CADM1: variants seen among roughly 807,000 people sequenced by gnomAD.
CADM1 encodes TSLC-1.
In CADM1, 15 loss-of-function variants were observed where a neutral mutation model predicts 53.1. That is an observed-to-expected ratio of 0.28 (90% CI 0.19 to 0.44). The LOEUF is 0.44. Ranked by LOEUF, CADM1 falls within the 20% of genes least tolerant of loss-of-function variation. The probability of loss-of-function intolerance (pLI) is 1.00; values close to 1 mark genes in which losing one functional copy is unlikely to be tolerated. For synonymous variants in CADM1, 281 were observed against 243.0 expected (o/e 1.16, Z -1.45); for missense variants, 434 against 611.3 (o/e 0.71, Z 3.06).
intron 1 of CADM1, among the ~76,000 whole-genome samples, chr11:115,298,988 C>T (rs1448410747): frequency 6.6e-6 from 1 of 152,162 alleles, no homozygotes; most frequent in African/African-American, 2.4e-5. Flanking sequence ...AGAAGATCAC[C>T]ATGACATCTG....
At chr11:115,190,983 G>C (rs1447707219) in intron 9 of CADM1, 42 bp from the exon 10 acceptor site, 1 of 1,512,482 alleles carries the variant, frequency 6.6e-7, no homozygotes. Context: ...CATTCCTCGA[G>C]GGACATAAAC....
intron 1 of CADM1, among the ~76,000 whole-genome samples, chr11:115,298,139 G>C (rs1446567800): frequency 6.6e-6 from 1 of 152,182 alleles, no homozygotes; most frequent in African/African-American, 2.4e-5. Flanking sequence ...ACAAAGTAGA[G>C]ACTTAGACAC....
At chr11:115,418,016 A>T (rs1947651647) in intron 1 of CADM1, among the ~76,000 whole-genome samples, 1 of 152,226 alleles carries the variant, frequency 6.6e-6, no homozygotes, top group African/African-American at 2.4e-5. Flanking sequence ...TCAGATGCGG[A>T]TAAGAAGCAA....
At chr11:115,319,081 T>C (rs1465729904) in intron 1 of CADM1, among the ~76,000 whole-genome samples, 1 of 152,154 alleles carries the variant, frequency 6.6e-6, no homozygotes, top group Non-Finnish European at 1.5e-5. Flanking sequence ...GATGAAAGGA[T>C]CCAAGGTCAC....
At chr11:115,195,974 C>T (rs946968350) in intron 9 of CADM1, among the ~76,000 whole-genome samples, 5 of 152,180 alleles carry the variant, frequency 3.3e-5, no homozygotes, top group African/African-American at 1.2e-4. Flanking sequence ...TATCCCTCTG[C>T]CATTAAGAAG....
chr11:115,383,638 G>C (rs1946630732), intron 1 of CADM1, among the ~76,000 whole-genome samples: 1 of 152,162 alleles, frequency 6.6e-6, no homozygotes, highest in Non-Finnish European at 1.5e-5. Flanking sequence ...GACAGACGTG[G>C]CAGACTTTAA....
At chr11:115,369,892 A>C (rs1213848988) in intron 1 of CADM1, among the ~76,000 whole-genome samples, 1 of 152,228 alleles carries the variant, frequency 6.6e-6, no homozygotes, top group African/African-American at 2.4e-5. Flanking sequence ...CGGAAAAAAG[A>C]CTTAGCACTT....
At chr11:115,474,592 A>T (rs567363814) in intron 1 of CADM1, among the ~76,000 whole-genome samples, 1 of 151,210 alleles carries the variant, frequency 6.6e-6, no homozygotes, top group Non-Finnish European at 1.5e-5. Context: ...GCAAACTATC[A>T]CAAGGACAAA....
chr11:115,231,986 CAATAATAATAATAAT>C (rs34209440), intron 3 of CADM1, among the ~76,000 whole-genome samples: 2 of 148,380 alleles, frequency 1.3e-5, no homozygotes, highest in African/African-American at 2.5e-5. Flanking sequence ...AACTCCGTCT[CAATAATAATAATAAT>C]AATAATAATA....
chr11:115,240,512 G>GA, intron 1 of CADM1, 92 bp from the exon 2 acceptor site: 2 of 1,322,494 alleles, frequency 1.5e-6, no homozygotes, highest in Non-Finnish European at 2.1e-6. Flanking sequence ...AGGCATATTA[G>GA]AAAATGAACA....
At chr11:115,443,839 G>A (rs751931296) in intron 1 of CADM1, among the ~76,000 whole-genome samples, 12 of 152,138 alleles carry the variant, frequency 7.9e-5, no homozygotes, top group Non-Finnish European at 1.8e-4. Flanking sequence ...GATGAAGTCC[G>A]GCAAATTACA....
At chr11:115,439,910 T>C (rs1948271313) in intron 1 of CADM1, among the ~76,000 whole-genome samples, 1 of 152,248 alleles carries the variant, frequency 6.6e-6, no homozygotes, top group Non-Finnish European at 1.5e-5. Flanking sequence ...TTTTATTATA[T>C]GCTAATAAAT....
chr11:115,206,618 A>C (rs1401651926), intron 8 of CADM1, among the ~76,000 whole-genome samples: 1 of 152,122 alleles, frequency 6.6e-6, no homozygotes, highest in Non-Finnish European at 1.5e-5. Context: ...GAGAAATCAG[A>C]AATCAACTAT....
At chr11:115,339,475 C>G (rs931121642) in intron 1 of CADM1, among the ~76,000 whole-genome samples, 1 of 151,826 alleles carries the variant, frequency 6.6e-6, no homozygotes, top group Non-Finnish European at 1.5e-5. Context: ...TCATGTCCAC[C>G]TTCTTTTAAA....
chr11:115,398,428 A>C (rs1947057570), intron 1 of CADM1, among the ~76,000 whole-genome samples: 1 of 152,172 alleles, frequency 6.6e-6, no homozygotes, highest in Non-Finnish European at 1.5e-5. Flanking sequence ...GCCATGCCTG[A>C]ATCTCCCCCT....
chr11:115,329,042 T>C (rs1945062611), intron 1 of CADM1, among the ~76,000 whole-genome samples: 1 of 151,918 alleles, frequency 6.6e-6, no homozygotes, highest in Non-Finnish European at 1.5e-5. Context: ...ATAAATTTTA[T>C]TAAACTTTCA....
intron 1 of CADM1, among the ~76,000 whole-genome samples, chr11:115,316,916 C>T (rs901675782): frequency 3.9e-5 from 6 of 152,114 alleles, no homozygotes; most frequent in Non-Finnish European, 7.3e-5. Flanking sequence ...TTGCAGATCA[C>T]GAGCAACTCA....
intron 1 of CADM1, among the ~76,000 whole-genome samples, chr11:115,390,464 A>G (rs1946807759): frequency 6.6e-6 from 1 of 151,850 alleles, no homozygotes; most frequent in Admixed American, 6.6e-5. Context: ...GAAGTAGGGG[A>G]CAGAGGGAGA....
chr11:115,413,703 G>A (rs1165673587), intron 1 of CADM1, among the ~76,000 whole-genome samples: 1 of 144,220 alleles, frequency 6.9e-6, no homozygotes, highest in Non-Finnish European at 1.5e-5. Flanking sequence ...GGAATGCAGT[G>A]GTGCAATCTT....
Sources: allele counts gnomAD v4.1 joint callset (sites outside exome capture counted in the v4.1 genomes callset), GRCh38; gene constraint gnomAD v4.1.1; transcripts MANE v1.5; gene names NCBI Gene and HGNC (gene_info 2026-07-23, HGNC 2026-07-21).